ANAPC10: variants seen among roughly 807,000 people sequenced by gnomAD.
ANAPC10 encodes the protein anaphase-promoting complex subunit 10.
In ANAPC10, 12 loss-of-function variants were observed where a neutral mutation model predicts 22.0. The ratio of observed to expected loss-of-function variants is 0.55; its 90% CI spans 0.35 to 0.88. The LOEUF is 0.88. Among genes scored for constraint, ANAPC10 ranks in the 40% least tolerant of loss-of-function variants. The probability of loss-of-function intolerance (pLI) is 0.01; values close to 1 mark genes in which losing one functional copy is unlikely to be tolerated. For missense variants in ANAPC10, 188 were observed against 220.9 expected (o/e 0.85, Z 0.94); for synonymous variants, 65 against 69.5 (o/e 0.94, Z 0.32).
intron 4 of ANAPC10, among the ~76,000 whole-genome samples, chr4:145,042,844 C>T (rs959640277): frequency 2.1e-4 from 32 of 151,060 alleles, no homozygotes; most frequent in African/African-American, 5.8e-4. Context: ...GGTGCTGGCA[C>T]AATGGAATTT....
intron 4 of ANAPC10, among the ~76,000 whole-genome samples, chr4:145,026,945 A>ATATATATATATATATATATATATGCGTG (rs1287102797): frequency 5.8e-5 from 1 of 17,138 alleles, no homozygotes. Flanking sequence ...ATATATATAT[A>ATATATATATATATATATATATATGCGTG]TGTGTGTGTG....
chr4:145,060,700 T>C (rs1239934026), intron 4 of ANAPC10, among the ~76,000 whole-genome samples: 1 of 152,064 alleles, frequency 6.6e-6, no homozygotes, highest in Non-Finnish European at 1.5e-5. Context: ...AAATCAGTAC[T>C]ATAACTAATG....
chr4:145,070,693 A>G (rs906161597), intron 3 of ANAPC10, among the ~76,000 whole-genome samples: 15 of 152,250 alleles, frequency 9.9e-5, no homozygotes, highest in African/African-American at 3.4e-4. Flanking sequence ...ATATTTGCAC[A>G]CCAATGTTCA....
At chr4:145,034,199 T>G (rs1322844118) in intron 4 of ANAPC10, among the ~76,000 whole-genome samples, 5 of 152,122 alleles carry the variant, frequency 3.3e-5, no homozygotes, top group Admixed American at 1.3e-4. Flanking sequence ...GTATTAATCC[T>G]GGGTATGCCT....
chr4:145,093,286 A>C (rs993122014), intron 2 of ANAPC10, among the ~76,000 whole-genome samples: 1 of 152,206 alleles, frequency 6.6e-6, no homozygotes, highest in Non-Finnish European at 1.5e-5. Context: ...GAGACACTGA[A>C]GGTAACCATA....
At chr4:145,075,813 C>T (rs1745113405) in intron 3 of ANAPC10, among the ~76,000 whole-genome samples, 1 of 152,096 alleles carries the variant, frequency 6.6e-6, no homozygotes, top group Admixed American at 6.5e-5. Context: ...TGTGTGGAGC[C>T]CAGAGGGTTT....
At chr4:145,039,845 T>C (rs1038931765) in intron 4 of ANAPC10, among the ~76,000 whole-genome samples, 2 of 152,116 alleles carry the variant, frequency 1.3e-5, no homozygotes, top group Non-Finnish European at 2.9e-5. Context: ...CTGCCTGCCA[T>C]GACTTCCCAA....
chr4:145,055,227 T>A (rs1741872732), intron 4 of ANAPC10, among the ~76,000 whole-genome samples: 1 of 151,958 alleles, frequency 6.6e-6, no homozygotes, highest in African/African-American at 2.4e-5. Context: ...CAAAATGAAA[T>A]ACATACCTTT....
At chr4:145,053,761 T>C (rs1741473662) in intron 4 of ANAPC10, 1 of 659,184 alleles carries the variant, frequency 1.5e-6, no homozygotes. Context: ...TGATTCTTCA[T>C]TCACATGTAA....
intron 4 of ANAPC10, among the ~76,000 whole-genome samples, chr4:145,044,985 A>T (rs888285481): frequency 3.3e-5 from 5 of 151,972 alleles, no homozygotes; most frequent in Admixed American, 6.6e-5. Context: ...GTTTTTTTTT[A>T]AAACAATAAT....
chr4:145,055,790 T>C (rs1481353722), intron 4 of ANAPC10, among the ~76,000 whole-genome samples: 1 of 152,160 alleles, frequency 6.6e-6, no homozygotes, highest in African/African-American at 2.4e-5. Context: ...TTAATGACTA[T>C]GATTTTTGGT....
intron 3 of ANAPC10, among the ~76,000 whole-genome samples, chr4:145,066,142 G>A (rs910028613): frequency 6.6e-6 from 1 of 152,120 alleles, no homozygotes; most frequent in Non-Finnish European, 1.5e-5. Flanking sequence ...AAAAACAGCA[G>A]GGGCTCTGTA....
At chr4:145,052,803 G>A (rs764517612) in intron 4 of ANAPC10, among the ~76,000 whole-genome samples, 9 of 150,900 alleles carry the variant, frequency 6.0e-5, no homozygotes, top group East Asian at 2.0e-4. Context: ...CAGGAGAAGC[G>A]CTTGAACCTG....
intron 4 of ANAPC10, among the ~76,000 whole-genome samples, chr4:145,000,360 GA>G (rs904171244): frequency 1.3e-5 from 2 of 150,070 alleles, no homozygotes; most frequent in Non-Finnish European, 3.0e-5. Context: ...AAATTTACAA[GA>G]AAAAAAAACC....
At chr4:145,042,991 C>CA (rs1739740365) in intron 4 of ANAPC10, among the ~76,000 whole-genome samples, 1 of 150,906 alleles carries the variant, frequency 6.6e-6, no homozygotes, top group Non-Finnish European at 1.5e-5. Flanking sequence ...ACACAAATAG[C>CA]GAAGAAGCAC....
chr4:145,021,380 C>A (rs1735939137), intron 4 of ANAPC10, among the ~76,000 whole-genome samples: 1 of 152,046 alleles, frequency 6.6e-6, no homozygotes, highest in African/African-American at 2.4e-5. Context: ...CAAATACCTA[C>A]AGCCAAGTGA....
At chr4:144,996,150 A>C (rs1731577304) in intron 4 of ANAPC10, among the ~76,000 whole-genome samples, 1 of 152,206 alleles carries the variant, frequency 6.6e-6, no homozygotes, top group South Asian at 2.1e-4. Context: ...AGGCTCCTGG[A>C]TGTGGGGAAA....
chr4:145,006,996 T>C (rs1578879807), intron 4 of ANAPC10, among the ~76,000 whole-genome samples: 1 of 152,280 alleles, frequency 6.6e-6, no homozygotes, highest in Non-Finnish European at 1.5e-5. Flanking sequence ...CTCAAGTGGC[T>C]ATATGCTGAA....
At chr4:145,096,166 A>G in intron 1 of ANAPC10, 55 bp from the exon 2 acceptor site, 1 of 1,571,046 alleles carries the variant, frequency 6.4e-7, no homozygotes, top group Non-Finnish European at 8.6e-7. Flanking sequence ...ATCTTTCTAC[A>G]AAAGTTTTTT....
Sources: allele counts gnomAD v4.1 joint callset (sites outside exome capture counted in the v4.1 genomes callset), GRCh38; gene constraint gnomAD v4.1.1; transcripts MANE v1.5; gene names NCBI Gene and HGNC (gene_info 2026-07-23, HGNC 2026-07-21).